Variants in FYB2 observed in about 807,000 individuals in gnomAD.
FYB2 encodes FYN binding protein 2.
Under a neutral mutation model 94.1 loss-of-function variants are expected in FYB2, and 103 were observed. That is an observed-to-expected ratio of 1.09 (90% CI 0.93 to 1.29). The LOEUF (loss-of-function observed/expected upper bound fraction) is 1.29. Among genes scored for constraint, FYB2 ranks in the 50% most tolerant of loss-of-function variants. The pLI is 0.00. For synonymous variants in FYB2, 293 were observed against 287.9 expected, an observed-to-expected ratio of 1.02 and a Z score of -0.18; for missense variants, 896 against 841.5, an observed-to-expected ratio of 1.06 and a Z score of -0.80.
chr1:56,723,729 T>C (rs752167980), intron 16 of FYB2, 48 bp from the exon 17 acceptor site: 7 of 1,120,570 alleles, frequency 6.2e-6, no homozygotes, highest in Non-Finnish European at 9.1e-6. Context: ...AATAAAACTT[T>C]TTAAGTTTCT....
At position 56,723,515 on chromosome 1, in the gene FYB2, T is replaced by TA. The variant is rs1243072821; in HGVS notation, c.1974+72dup. ...CAGAGAGGCAGAGGCACAGCATACT[T>TA]ACAGATTTTTTTTTTAAATGAAAGC... On this transcript the variant is annotated intron_variant, in intron 17 of 19. Transcript: ENST00000343433. The TA allele has an allele frequency of 1.9e-5, 16 of 846,688 alleles. 1 individual carries two copies. The Middle Eastern group carries it at 1.4e-3, about 73-fold the overall frequency. 52.4% of individuals were successfully genotyped at this position (846,688 alleles called of 1,614,324 possible). A position where few individuals can be genotyped will look rare whatever the true frequency, so the allele number is the denominator to read the frequency against.
At chr1:56,729,564 C>A (rs555058724) in intron 15 of FYB2, among the ~76,000 whole-genome samples, 1 of 152,000 alleles carries the variant, frequency 6.6e-6, no homozygotes. Context: ...CACCTCAATA[C>A]AATAATAGTT....
At chr1:56,730,243 G>GT (rs1242341255) in intron 15 of FYB2, among the ~76,000 whole-genome samples, 1 of 139,436 alleles carries the variant, frequency 7.2e-6, no homozygotes, top group Non-Finnish European at 1.5e-5. Context: ...AAAAGCTGGT[G>GT]TTTTGAAAAG....
At chr1:56,815,573 A>G (rs1270549023) in intron 1 of FYB2, among the ~76,000 whole-genome samples, 4 of 152,126 alleles carry the variant, frequency 2.6e-5, no homozygotes, top group Non-Finnish European at 5.9e-5. Flanking sequence ...ACATTCATGG[A>G]GCAGCCACTG....
chr1:56,753,710 T>C (rs1645256131), intron 8 of FYB2, 129 bp downstream of exon 8: 1 of 647,026 alleles, frequency 1.5e-6, no homozygotes, highest in East Asian at 2.7e-5. Flanking sequence ...ATTTCCTTGA[T>C]ACAATATCAA....
intron 1 of FYB2, among the ~76,000 whole-genome samples, chr1:56,804,153 C>A (rs2101041822): frequency 6.6e-6 from 1 of 152,326 alleles, no homozygotes; most frequent in Middle Eastern, 3.4e-3. Context: ...CCCTTTGCCA[C>A]TTTCCATATC....
chr1:56,750,365 G>A (rs1417958531), intron 9 of FYB2, among the ~76,000 whole-genome samples: 2 of 151,928 alleles, frequency 1.3e-5, no homozygotes, highest in Non-Finnish European at 2.9e-5. Flanking sequence ...TCCTATGACT[G>A]TGGCCGTTCT....
chr1:56,734,907 G>C (rs1263879041), intron 15 of FYB2, among the ~76,000 whole-genome samples: 1 of 151,796 alleles, frequency 6.6e-6, no homozygotes, highest in Admixed American at 6.6e-5. Context: ...ACCACAATGA[G>C]GTATCATTTC....
At chr1:56,782,084 A>C (rs574234178) in intron 4 of FYB2, among the ~76,000 whole-genome samples, 26 of 152,188 alleles carry the variant, frequency 1.7e-4, no homozygotes, top group African/African-American at 6.0e-4. Flanking sequence ...GGTGATTGAA[A>C]TATCTATCAC....
chr1:56,792,894 AAGTC>A, intron 1 of FYB2, 91 bp from the exon 2 acceptor site: 3 of 1,360,256 alleles, frequency 2.2e-6, no homozygotes, highest in Non-Finnish European at 3.0e-6. Context: ...CCAAGAAAAA[AAGTC>A]AGTGTGATTA....
chr1:56,720,251 T>C lies in FYB2; in HGVS notation c.2053A>G (p.Ile685Val), dbSNP rs766542150. The change falls in exon 18 of 20, where the codon ATA becomes GTA. Residue 685 changes from isoleucine (I) to valine (V), a missense_variant. Transcript: ENST00000343433. ...ACTTCCAATTCTTCTCCAGGACTTA[T>C]TGGCAAATCAAATATTCCATTTCTT... The part of the protein sequence containing the change: ...NSRNGIFDLP[I>V]SPGEELEVID... The C allele has an allele frequency of 2.8e-5, 45 of 1,612,206 alleles. No individual in the cohort carries two copies. Among genetic ancestry groups the C allele is most frequent in the Admixed American group, 3.3e-5 (2 of 59,860 alleles).
At chr1:56,733,236 T>TTC (rs775261897) in intron 15 of FYB2, among the ~76,000 whole-genome samples, 22 of 152,134 alleles carry the variant, frequency 1.4e-4, no homozygotes, top group East Asian at 1.2e-3. Flanking sequence ...GTTTATAGTA[T>TTC]TCTGATGGTA....
chr1:56,722,357 T>A (rs2100480449), intron 17 of FYB2, among the ~76,000 whole-genome samples: 1 of 152,194 alleles, frequency 6.6e-6, no homozygotes, highest in East Asian at 1.9e-4. Flanking sequence ...TAAACATAAA[T>A]AAAATAACCA....
At position 56,746,856 on chromosome 1, in the gene FYB2, C is replaced by A. The variant is rs111356496; in HGVS notation, c.1388-2590G>T. ...GTCATAGGATATGCATTATGTTCAA[C>A]CTTAGTACTGCTAAACAGTTTTCCA... On this transcript the variant is annotated intron_variant, in intron 9 of 19. Coordinates refer to ENST00000343433, the MANE Select transcript of FYB2 (RefSeq NM_001004303.5). 2.0e-3 allele frequency among the ~76,000 whole-genome samples: 302 copies of A among 152,058 alleles called. 2 individuals carry two copies. The highest frequency in any genetic ancestry group is 6.5e-3 in the African/African-American group (271 of 41,504).
intron 6 of FYB2, among the ~76,000 whole-genome samples, chr1:56,756,154 G>T (rs1645324949): frequency 6.6e-6 from 1 of 152,092 alleles, no homozygotes; most frequent in African/African-American, 2.4e-5. Flanking sequence ...CATGCCCAAA[G>T]GAATGTATGA....
rs543835247 is a variant in FYB2, at chr1:56,814,587, C to T, written c.9+4695G>A. On this transcript the variant is annotated intron_variant, in intron 1 of 19. Coordinates refer to ENST00000343433, the MANE Select transcript of FYB2 (RefSeq NM_001004303.5). ...GGTGCAGCATCTCAGCAAAGATGAA[C>T]AGGATGTGCCCAGTCTTTTGGACTT... Among the ~76,000 whole-genome samples the T allele has an allele frequency of 4.6e-5, 7 of 152,258 alleles. No homozygotes were observed. The South Asian group carries it at 1.5e-3, about 32-fold the overall frequency.
intron 1 of FYB2, among the ~76,000 whole-genome samples, chr1:56,798,021 C>G (rs1397881047): frequency 1.3e-5 from 2 of 152,118 alleles, no homozygotes; most frequent in East Asian, 3.9e-4. Flanking sequence ...TTTCTGAACC[C>G]CTTTAAGACA....
intron 5 of FYB2, among the ~76,000 whole-genome samples, chr1:56,759,240 C>A (rs1292524947): frequency 6.6e-6 from 1 of 152,136 alleles, no homozygotes; most frequent in Non-Finnish European, 1.5e-5. Flanking sequence ...TCCAATAGTT[C>A]TGTGGATTTT....
chr1:56,745,235 T>G (rs1301710062), intron 9 of FYB2, among the ~76,000 whole-genome samples: 1 of 152,052 alleles, frequency 6.6e-6, no homozygotes, highest in Non-Finnish European at 1.5e-5. Context: ...TGCAAAAGTT[T>G]ATGCCTTCAT....
Sources: allele counts gnomAD v4.1 joint callset (sites outside exome capture counted in the v4.1 genomes callset), GRCh38; gene constraint gnomAD v4.1.1; transcripts MANE v1.5; gene names NCBI Gene and HGNC (gene_info 2026-07-23, HGNC 2026-07-21).